GPRASP3: variants seen among roughly 807,000 people sequenced by gnomAD.
The protein encoded by GPRASP3 is G protein-coupled receptor associated sorting protein 3.
At chrX:102,730,014 T>A in the GPRASP3 span, among the ~76,000 whole-genome samples, 43 of 111,885 alleles carry the variant, frequency 3.8e-4, no homozygotes, top group Non-Finnish European at 7.9e-4. Context: ...ACAATTGAAG[T>A]GCATTACATG....
At chrX:102,730,046 T>C in the GPRASP3 span, among the ~76,000 whole-genome samples, 1 of 111,995 alleles carries the variant, frequency 8.9e-6, no homozygotes, top group Non-Finnish European at 1.9e-5. Context: ...TTATTTCTAT[T>C]ATTATTACAT....
chrX:102,721,677 T>A, the GPRASP3 span, among the ~76,000 whole-genome samples: 1 of 111,143 alleles, frequency 9.0e-6, no homozygotes, highest in Admixed American at 9.5e-5. Flanking sequence ...GGACACAAAG[T>A]GGGTTGCTAC....
chrX:102,724,749 G>GTGTGTGTGTGTT, the GPRASP3 span, among the ~76,000 whole-genome samples: 1 of 110,085 alleles, frequency 9.1e-6, no homozygotes, highest in African/African-American at 3.3e-5. Context: ...GTGTGTGTGT[G>GTGTGTGTGTGTT]TGTGTATCCA....
the GPRASP3 span, among the ~76,000 whole-genome samples, chrX:102,724,718 G>GGTGT: frequency 0.019 from 1,885 of 98,790 alleles, 57 homozygotes; most frequent in East Asian, 0.14. Flanking sequence ...CAGGGTGACT[G>GGTGT]GTGTGTGTGT....
the GPRASP3 span, among the ~76,000 whole-genome samples, chrX:102,724,610 A>G: frequency 9.1e-6 from 1 of 110,492 alleles, no homozygotes; most frequent in Non-Finnish European, 1.9e-5. Context: ...AAAACTTCAA[A>G]TTGTGGCCTG....
the GPRASP3 span, among the ~76,000 whole-genome samples, chrX:102,733,999 C>A: frequency 3.9e-4 from 43 of 109,905 alleles, 2 homozygotes; most frequent in Admixed American, 4.0e-3. Context: ...TTACAAGGTG[C>A]TCAGTGGGGG....
At chrX:102,743,407 A>G in the GPRASP3 span, among the ~76,000 whole-genome samples, 1 of 111,152 alleles carries the variant, frequency 9.0e-6, no homozygotes, top group African/African-American at 3.3e-5. Flanking sequence ...AGTTATTTCC[A>G]TTTTGGTATA....
At chrX:102,722,209 G>A in the GPRASP3 span, among the ~76,000 whole-genome samples, 4 of 111,507 alleles carry the variant, frequency 3.6e-5, no homozygotes, top group Non-Finnish European at 7.5e-5. Context: ...GCTACTAGTT[G>A]GAAGTTCCCA....
the GPRASP3 span, chrX:102,749,825 C>A: frequency 6.6e-6 from 8 of 1,209,788 alleles, no homozygotes; most frequent in Non-Finnish European, 8.9e-6. Flanking sequence ...TGCTCACAGC[C>A]TATCCCTGAG....
the GPRASP3 span, among the ~76,000 whole-genome samples, chrX:102,747,316 G>A: frequency 8.9e-6 from 1 of 112,103 alleles, no homozygotes. Flanking sequence ...ATAGTCTCTT[G>A]GGGTTATTTT....
chrX:102,743,174 G>A, the GPRASP3 span, among the ~76,000 whole-genome samples: 1 of 107,882 alleles, frequency 9.3e-6, no homozygotes. Flanking sequence ...GGTGAGGGAT[G>A]TATGTAGCTT....
the GPRASP3 span, chrX:102,749,824 C>A: frequency 5.8e-6 from 7 of 1,209,599 alleles, no homozygotes; most frequent in Non-Finnish European, 7.8e-6. Flanking sequence ...ATGCTCACAG[C>A]CTATCCCTGA....
At chrX:102,731,420 G>A in the GPRASP3 span, among the ~76,000 whole-genome samples, 1 of 111,673 alleles carries the variant, frequency 9.0e-6, no homozygotes, top group East Asian at 2.8e-4. Context: ...TCAGGGGTTT[G>A]AGACCAGCCT....
chrX:102,721,087 T>C, the GPRASP3 span: 1 of 111,008 alleles, frequency 9.0e-6, no homozygotes, highest in Non-Finnish European at 1.9e-5. Flanking sequence ...TAGATGCGGG[T>C]GCAGGTAATG....
the GPRASP3 span, chrX:102,749,490 T>C: frequency 8.3e-7 from 1 of 1,208,428 alleles, no homozygotes; most frequent in African/African-American, 1.8e-5. Flanking sequence ...GGTCAGGGGC[T>C]GAGGAGGAGG....
chrX:102,740,051 T>C, the GPRASP3 span, among the ~76,000 whole-genome samples: 1 of 112,135 alleles, frequency 8.9e-6, no homozygotes, highest in African/African-American at 3.2e-5. Context: ...GTGGTATACA[T>C]TTTTGGAAAA....
the GPRASP3 span, among the ~76,000 whole-genome samples, chrX:102,743,892 G>A: frequency 9.9e-5 from 11 of 111,237 alleles, no homozygotes; most frequent in Non-Finnish European, 1.9e-4. Flanking sequence ...GCCAATCTTA[G>A]GTTCTACAAT....
chrX:102,728,872 C>A, the GPRASP3 span, among the ~76,000 whole-genome samples: 1 of 111,764 alleles, frequency 8.9e-6, no homozygotes, highest in African/African-American at 3.3e-5. Context: ...ACAGAATCAA[C>A]AACATTTCTT....
the GPRASP3 span, among the ~76,000 whole-genome samples, chrX:102,744,281 T>C: frequency 8.9e-6 from 1 of 112,348 alleles, no homozygotes; most frequent in South Asian, 3.7e-4. Context: ...TAAAAGAAAT[T>C]ATGCATTTTA....
Sources: gnomAD v4.1 joint callset for allele counts (sites outside exome capture counted in the v4.1 genomes callset) on GRCh38, gnomAD v4.1.1 for gene constraint, MANE v1.5 for transcripts, NCBI Gene and HGNC (gene_info 2026-07-23, HGNC 2026-07-21) for gene names.